Variants in RNF157 observed in about 807,000 individuals in gnomAD.
RNF157 encodes the protein ring finger protein 157, also known as E3 ubiquitin ligase RNF157.
A neutral mutation model predicts 88.3 loss-of-function variants in RNF157; 55 were observed. That is an observed-to-expected ratio of 0.62 (90% CI 0.50 to 0.78). The LOEUF (loss-of-function observed/expected upper bound fraction) is 0.78, where lower values mean the gene tolerates loss of function less well. RNF157 is among the 30% of genes least tolerant of loss of function. The probability of loss-of-function intolerance (pLI) is 0.00; values close to 1 mark genes in which losing one functional copy is unlikely to be tolerated. For synonymous variants in RNF157, 334 were observed against 341.2 expected, an observed-to-expected ratio of 0.98 and a Z score of 0.23; for missense variants, 788 against 860.8, an observed-to-expected ratio of 0.92 and a Z score of 1.06.
chr17:76,213,132 C>T (rs1235877748), intron 1 of RNF157, among the ~76,000 whole-genome samples: 6 of 152,140 alleles, frequency 3.9e-5, no homozygotes, highest in Non-Finnish European at 7.4e-5. Flanking sequence ...TTTTTGGTTC[C>T]TGACTTTTGC....
chr17:76,228,942 CA>C lies in RNF157; in HGVS notation c.88+11210del, dbSNP rs201291632. Among the ~76,000 whole-genome samples the C allele has an allele frequency of 2.6e-3, 386 of 146,118 alleles. 2 individuals are homozygous for C. The highest frequency in any genetic ancestry group is 7.7e-3 in the African/African-American group (308 of 40,110). ...CCATTTCAAAATAATAATAATAATACAAAAAAAAAAATTCACTCACCCACCC... is the reference window on the plus strand; with the variant it reads ...CCATTTCAAAATAATAATAATAATACAAAAAAAAAATTCACTCACCCACCC... On this transcript the variant is annotated intron_variant, in intron 1 of 18. Coordinates refer to ENST00000269391, the MANE Select transcript of RNF157 (RefSeq NM_052916.3).
intron 2 of RNF157, among the ~76,000 whole-genome samples, chr17:76,177,127 T>G (rs1294908596): frequency 6.6e-6 from 1 of 151,074 alleles, no homozygotes; most frequent in Non-Finnish European, 1.5e-5. Context: ...CCCTGGACAC[T>G]GGCCCCGGCC....
At chr17:76,203,798 C>G (rs1190175399) in intron 2 of RNF157, among the ~76,000 whole-genome samples, 4 of 129,928 alleles carry the variant, frequency 3.1e-5, no homozygotes, top group Non-Finnish European at 6.5e-5. Flanking sequence ...GACGGAGTCT[C>G]GCTCTGTCGC....
At chr17:76,231,482 G>C (rs1299203571) in intron 1 of RNF157, among the ~76,000 whole-genome samples, 1 of 151,834 alleles carries the variant, frequency 6.6e-6, no homozygotes, top group East Asian at 1.9e-4. Context: ...ATTTTTTGTA[G>C]AGATGAGATC....
rs1278871511 is a variant in RNF157, at chr17:76,161,142, G to C, written c.1065+393C>G. On this transcript the variant is annotated intron_variant, in intron 11 of 18. Transcript: ENST00000269391. The surrounding 1 kb of genome is among the most constrained non-coding windows in gnomAD (Gnocchi z 4.6). ...CAGTTACTTTATCTCAGGCACTGAGGCCACAAAACAGGATAAAGAAAAACA... is the reference window on the plus strand; with the variant it reads ...CAGTTACTTTATCTCAGGCACTGAGCCCACAAAACAGGATAAAGAAAAACA... Among the ~76,000 whole-genome samples the C allele has an allele frequency of 6.6e-6, 1 of 152,180 alleles. No individual in the cohort carries two copies. Among genetic ancestry groups the C allele is most frequent in the Non-Finnish European group, 1.5e-5 (1 of 68,020 alleles).
intron 2 of RNF157, among the ~76,000 whole-genome samples, chr17:76,193,994 C>G (rs1206055517): frequency 6.6e-6 from 1 of 152,138 alleles, no homozygotes; most frequent in Non-Finnish European, 1.5e-5. Flanking sequence ...TACATGGGAA[C>G]CAGGCCACAG....
At chr17:76,220,911 T>C (rs973524949) in intron 1 of RNF157, among the ~76,000 whole-genome samples, 1 of 150,754 alleles carries the variant, frequency 6.6e-6, no homozygotes, top group Admixed American at 6.6e-5. Flanking sequence ...TGAGCCGAGA[T>C]TGCGCCATTG....
At chr17:76,167,242 A>AG in intron 4 of RNF157, 116 bp from the exon 5 acceptor site, 1 of 792,324 alleles carries the variant, frequency 1.3e-6, no homozygotes, top group Non-Finnish European at 2.1e-6. Context: ...AAGAGAAGAA[A>AG]GGGTCCTTTA....
intron 2 of RNF157, among the ~76,000 whole-genome samples, chr17:76,188,556 A>G (rs551622287): frequency 4.6e-5 from 7 of 152,300 alleles, no homozygotes; most frequent in Middle Eastern, 3.4e-3. Context: ...AACTTTAAAC[A>G]AGGTGCAAGC....
intron 1 of RNF157, among the ~76,000 whole-genome samples, chr17:76,221,622 C>T (rs567604355): frequency 3.0e-4 from 45 of 152,170 alleles, no homozygotes; most frequent in Admixed American, 5.9e-4. Flanking sequence ...TTCTTGGTAC[C>T]AGCTATTGTT....
chr17:76,190,990 C>A (rs1388858092), intron 2 of RNF157, among the ~76,000 whole-genome samples: 5 of 151,024 alleles, frequency 3.3e-5, no homozygotes, highest in Non-Finnish European at 7.4e-5. Flanking sequence ...GAGTTCAAGA[C>A]CAGCCTGGGC....
At chr17:76,155,809 C>T (rs918244270) in intron 14 of RNF157, 75 bp from the exon 15 acceptor site, 3 of 1,276,294 alleles carry the variant, frequency 2.4e-6, no homozygotes, top group Non-Finnish European at 2.1e-6. Context: ...GGAGCAGAGC[C>T]CTCTCCCTGC....
At position 76,143,215 on chromosome 17, in the gene RNF157, C is replaced by T. The variant is rs987713610; in HGVS notation, c.*2020G>A. On this transcript the variant is annotated 3_prime_UTR_variant, in exon 19 of 19. Transcript: ENST00000269391. ...GGACTGAGGCCTTGAGGAATCTTTCCGTGCTTCTCCCTAGGAGAGGACTAA... is the reference window on the plus strand; with the variant it reads ...GGACTGAGGCCTTGAGGAATCTTTCTGTGCTTCTCCCTAGGAGAGGACTAA... 1.3e-5 allele frequency: 2 copies of T among 152,236 alleles called. No homozygotes were observed. Among genetic ancestry groups the T allele is most frequent in the African/African-American group, 4.8e-5 (2 of 41,430 alleles). The allele number at this position is 152,236 out of a possible 1,614,324, so 9.4% of individuals were successfully genotyped here. A position where few individuals can be genotyped will look rare whatever the true frequency, so the allele number is the denominator to read the frequency against.
At chr17:76,165,661 G>A (rs1372190328) in intron 6 of RNF157, 116 bp from the exon 7 acceptor site, 12 of 1,100,358 alleles carry the variant, frequency 1.1e-5, no homozygotes, top group Non-Finnish European at 1.7e-5. Flanking sequence ...GTCTCTAGAA[G>A]GGGCACGTTA....
chr17:76,200,027 G>A (rs895779284), intron 2 of RNF157, among the ~76,000 whole-genome samples: 1 of 152,140 alleles, frequency 6.6e-6, no homozygotes, highest in East Asian at 1.9e-4. Flanking sequence ...CACGAGGTCA[G>A]GAGATCGAGA....
At chr17:76,156,458 G>A (rs2068765972) in intron 13 of RNF157, 137 bp from the exon 14 acceptor site, 1 of 1,462,748 alleles carries the variant, frequency 6.8e-7, no homozygotes, top group Non-Finnish European at 9.0e-7. Context: ...GCATGCAGAG[G>A]CCGCAGCTTC....
chr17:76,171,582 A>T (rs867632540), intron 3 of RNF157, among the ~76,000 whole-genome samples: 6 of 152,110 alleles, frequency 3.9e-5, no homozygotes, highest in Admixed American at 6.5e-5. Flanking sequence ...TTACCTGGAA[A>T]TCCGAGAATC....
At chr17:76,162,325 G>A (rs1404288301) in intron 9 of RNF157, among the ~76,000 whole-genome samples, 1 of 152,176 alleles carries the variant, frequency 6.6e-6, no homozygotes, top group Non-Finnish European at 1.5e-5. Context: ...GGGCCCTGGT[G>A]GAAACCGAGT....
Position 76,145,287 on chromosome 17 carries a change from CTGCTGGAT to C in RNF157, c.1980_1987del (p.Ser661ProfsTer5). On this transcript the variant is annotated frameshift_variant, in exon 19 of 19. Transcript: ENST00000269391. LOFTEE classifies it high-confidence loss of function. The stretch of plus-strand genomic sequence containing the variant: ...GGGCCTCGTCTCAGAGTCCTCCAGG[CTGCTGGAT>C]GACAAGCGCCGGCGCTGGGCATTCC... 7 of 1,610,484 alleles carry C rather than the reference CTGCTGGAT, an allele frequency of 4.3e-6. No individual in the cohort carries two copies. The highest frequency in any genetic ancestry group is 5.9e-6 in the Non-Finnish European group (7 of 1,178,810).
Sources: gnomAD v4.1 joint callset for allele counts (sites outside exome capture counted in the v4.1 genomes callset) on GRCh38, gnomAD v4.1.1 for gene constraint, Gnocchi (gnomAD v3.1) non-coding constraint, MANE v1.5 for transcripts, NCBI Gene and HGNC (gene_info 2026-07-23, HGNC 2026-07-21) for gene names.